SLC7A10: variants seen among roughly 807,000 people sequenced by gnomAD.
The protein encoded by SLC7A10 is asc-type amino acid transporter 1.
Under a neutral mutation model 52.7 loss-of-function variants are expected in SLC7A10, and 30 were observed. That is an observed-to-expected ratio of 0.57 (90% CI 0.43 to 0.77). The LOEUF is 0.77. Among genes scored for constraint, SLC7A10 ranks in the 30% least tolerant of loss-of-function variants. The pLI is 0.00. For missense variants in SLC7A10, 581 were observed against 698.5 expected, an observed-to-expected ratio of 0.83 and a Z score of 1.90; for synonymous variants, 318 against 314.9, an observed-to-expected ratio of 1.01 and a Z score of -0.10.
chr19:33,208,836 C>T lies in SLC7A10; in HGVS notation c.*55G>A, dbSNP rs1974466582. 4 of 1,611,968 alleles carry T rather than the reference C, an allele frequency of 2.5e-6. No individual in the cohort carries two copies. The highest frequency in any genetic ancestry group is 2.2e-5 in the East Asian group (1 of 44,866). On this transcript the variant is annotated 3_prime_UTR_variant, in exon 11 of 11. Coordinates refer to ENST00000253188, the MANE Select transcript of SLC7A10 (RefSeq NM_019849.3). This position sits in a 1 kb window ranked among gnomAD's most constrained non-coding sequence, Gnocchi z 4.7. ...AAACAAAACTTTTTTGCCAAAACAC[C>T]TCCTCAATAAACAACATGTAAACAG...
chr19:33,218,689 T>TCTTTCTTTCTTTC, intron 1 of SLC7A10, among the ~76,000 whole-genome samples: 2 of 26,720 alleles, frequency 7.5e-5, no homozygotes, highest in Non-Finnish European at 2.0e-4. Flanking sequence ...TTCTTTTTTT[T>TCTTTCTTTCTTTC]TTTTTTTTAG....
At chr19:33,221,749 C>T (rs1366393287) in intron 1 of SLC7A10, among the ~76,000 whole-genome samples, 1 of 152,136 alleles carries the variant, frequency 6.6e-6, no homozygotes, top group African/African-American at 2.4e-5. Context: ...AGTCACTGAA[C>T]ACACATCTGG....
chr19:33,216,263 C>T (rs1974680787), intron 1 of SLC7A10, among the ~76,000 whole-genome samples: 1 of 152,196 alleles, frequency 6.6e-6, no homozygotes, highest in Admixed American at 6.5e-5. Flanking sequence ...CTTTCTCAGC[C>T]CTCCATTGCC....
rs781459936 is a variant in SLC7A10 at position 33,209,372 on chromosome 19, C to T, written c.1377G>A (p.Gly459=). The change falls in exon 10 of 11, where the codon GGG becomes GGA. Residue 459 remains glycine, a synonymous_variant. Transcript: ENST00000253188. ...CGVGVIIILT[G]VPIFFLGVFW... is the part of the protein sequence containing the mutation. ...ACACTCCCAGAAAGAAAATGGGCACCCCCGTAAGGATGATGATGACGCCGA... is the reference window on the plus strand; with the variant it reads ...ACACTCCCAGAAAGAAAATGGGCACTCCCGTAAGGATGATGATGACGCCGA... The T allele has an allele frequency of 3.1e-6, 5 of 1,613,860 alleles. No individual in the cohort carries two copies. Among genetic ancestry groups the T allele is most frequent in the Admixed American group, 3.3e-5 (2 of 59,984 alleles).
rs1568391563 is a variant in SLC7A10, at chr19:33,215,631, C to CCCCCCACACCTTCTCTCCATCCAG, written c.356+137_356+138insCTGGATGGAGAGAAGGTGTGGGGG. On this transcript the variant is annotated intron_variant, in intron 2 of 10. Transcript: ENST00000253188. Reference sequence around the variant, plus strand: ...AGCCCCCACACCTTCTCTCCATCCACCCCCCACACCTTCTCTCCATCCACC... The same window carrying CCCCCCACACCTTCTCTCCATCCAG: ...AGCCCCCACACCTTCTCTCCATCCACCCCCCACACCTTCTCTCCATCCAGCCCCCACACCTTCTCTCCATCCACC... The CCCCCCACACCTTCTCTCCATCCAG allele has an allele frequency of 1.2e-3, 517 of 446,976 alleles. 17 individuals are homozygous for CCCCCCACACCTTCTCTCCATCCAG. Among genetic ancestry groups the CCCCCCACACCTTCTCTCCATCCAG allele is most frequent in the African/African-American group, 9.2e-3 (303 of 32,948 alleles). The allele number at this position is 446,976 out of a possible 1,614,324, so 27.7% of individuals were successfully genotyped here.
At chr19:33,217,939 C>A (rs1974724466) in intron 1 of SLC7A10, 1 of 152,182 alleles carries the variant, frequency 6.6e-6, no homozygotes, top group African/African-American at 2.4e-5. Flanking sequence ...GAGAGAAGCG[C>A]CTCTCTCATC....
intron 1 of SLC7A10, among the ~76,000 whole-genome samples, chr19:33,221,460 T>A (rs1346681201): frequency 6.6e-6 from 1 of 152,158 alleles, no homozygotes; most frequent in Non-Finnish European, 1.5e-5. Flanking sequence ...AGTTGGGGCT[T>A]CCCTTGGGGT....
intron 1 of SLC7A10, among the ~76,000 whole-genome samples, chr19:33,223,536 C>A (rs1191991817): frequency 6.6e-6 from 1 of 151,688 alleles, no homozygotes; most frequent in Non-Finnish European, 1.5e-5. Flanking sequence ...CAGTGCAGAC[C>A]CCAGCTCAGT....
At chr19:33,214,904 C>G (rs1974635403) in intron 2 of SLC7A10, among the ~76,000 whole-genome samples, 1 of 152,296 alleles carries the variant, frequency 6.6e-6, no homozygotes, top group South Asian at 2.1e-4. Context: ...CTCCCCACCC[C>G]CAGGCTCACG....
chr19:33,210,601 C>G lies in SLC7A10; in HGVS notation c.1129G>C (p.Val377Leu), dbSNP rs758117299. The change falls in exon 9 of 11, where the codon GTC becomes CTC. Residue 377 changes from valine to leucine, a missense_variant. By Grantham distance (32) the Val-to-Leu change is conservative. Transcript: ENST00000253188. This position sits in a 1 kb window ranked among gnomAD's most constrained non-coding sequence, Gnocchi z 5.6. ...TACGTGTCGCCCACGAGCATGATGA[C>G]GGCTGTGGCCCCGCACTGGGAGAGG... ...ALLVCCGATA[V>L]IMLVGDTYTL... 6.2e-7 allele frequency: 1 copy of G among 1,611,648 alleles called. No homozygotes were observed. The highest frequency in any genetic ancestry group is 1.1e-5 in the South Asian group (1 of 91,088).
intron 5 of SLC7A10, 61 bp from the exon 6 acceptor site, chr19:33,211,598 C>T (rs1974556331): frequency 6.2e-7 from 1 of 1,612,286 alleles, no homozygotes; most frequent in Non-Finnish European, 8.5e-7. Flanking sequence ...CCCCCGAGAC[C>T]CAGCCACGAG....
chr19:33,217,180 C>A (rs927635809), intron 1 of SLC7A10, among the ~76,000 whole-genome samples: 2 of 150,352 alleles, frequency 1.3e-5, no homozygotes, highest in African/African-American at 4.9e-5. Flanking sequence ...CCCGGCTAAT[C>A]AAAAAAAAAT....
chr19:33,209,073 C>T (rs1400723890), intron 10 of SLC7A10, 52 bp from the exon 11 acceptor site: 1 of 1,609,462 alleles, frequency 6.2e-7, no homozygotes, highest in Non-Finnish European at 8.5e-7. Context: ...ATAGGGGTGA[C>T]CCCCAGCTCC....
At position 33,210,722 on chromosome 19, in the gene SLC7A10, C is replaced by T. The variant is rs1974527256; in HGVS notation, c.1113+80G>A. The T allele has an allele frequency of 6.8e-6, 11 of 1,606,050 alleles. No individual in the cohort carries two copies. Among genetic ancestry groups the T allele is most frequent in the Non-Finnish European group, 9.4e-6 (11 of 1,174,894 alleles). Reference sequence around the variant, plus strand: ...CAACCCCCACCCTGGAATGGCTCACCCCTGCCATTACCCGGAAGGTCCTGC... The same window carrying T: ...CAACCCCCACCCTGGAATGGCTCACTCCTGCCATTACCCGGAAGGTCCTGC... On this transcript the variant is annotated intron_variant, in intron 8 of 10. Transcript: ENST00000253188. The surrounding 1 kb of genome is among the most constrained non-coding windows in gnomAD (Gnocchi z 5.6).
intron 1 of SLC7A10, among the ~76,000 whole-genome samples, chr19:33,216,277 G>C (rs765002176): frequency 6.6e-6 from 1 of 152,178 alleles, no homozygotes; most frequent in East Asian, 1.9e-4. Flanking sequence ...CATTGCCCCC[G>C]TGAGGCGGGG....
intron 1 of SLC7A10, chr19:33,221,056 A>T (rs529673422): frequency 1.3e-5 from 2 of 152,300 alleles, no homozygotes; most frequent in Non-Finnish European, 2.9e-5. Context: ...TCTTCTCCAT[A>T]GTGGGCCCTG....
chr19:33,220,458 G>T lies in SLC7A10; in HGVS notation c.152-4485C>A, dbSNP rs977658645. ...CAAGTGGATTGCTTCCTCCTCACTC[G>T]GCCTCCTGGCCTCCCCTCGGCCTTA... On this transcript the variant is annotated intron_variant, in intron 1 of 10. Coordinates refer to ENST00000253188, the MANE Select transcript of SLC7A10 (RefSeq NM_019849.3). 3 of 152,134 alleles carry T rather than the reference G, an allele frequency of 2.0e-5. No homozygotes were observed. In the South Asian group the frequency reaches 6.2e-4, roughly 32 times the overall value. 9.4% of individuals were successfully genotyped at this position (152,134 alleles called of 1,614,324 possible).
intron 2 of SLC7A10, among the ~76,000 whole-genome samples, chr19:33,215,311 A>G (rs1974647658): frequency 6.6e-6 from 1 of 151,310 alleles, no homozygotes; most frequent in Non-Finnish European, 1.5e-5. Flanking sequence ...GGTATATGGT[A>G]AGAATATCAC....
At chr19:33,224,394 T>G (rs2145497164) in intron 1 of SLC7A10, among the ~76,000 whole-genome samples, 3 of 150,154 alleles carry the variant, frequency 2.0e-5, no homozygotes, top group East Asian at 2.0e-4. Flanking sequence ...GGGGAGGGGG[T>G]GAGATGGCGG....
Sources: gnomAD v4.1 joint callset for allele counts (sites outside exome capture counted in the v4.1 genomes callset) on GRCh38, gnomAD v4.1.1 for gene constraint, Gnocchi (gnomAD v3.1) non-coding constraint, MANE v1.5 for transcripts, NCBI Gene and HGNC (gene_info 2026-07-23, HGNC 2026-07-21) for gene names.